Variants in CHD3 observed in about 807,000 individuals in gnomAD.
CHD3 encodes ATP-dependent chromatin remodeler CHD3.
Under a neutral mutation model 248.9 loss-of-function variants are expected in CHD3, and 52 were observed. That is an observed-to-expected ratio of 0.21 (90% confidence interval 0.17 to 0.26). The LOEUF is 0.26. CHD3 is among the 10% of genes least tolerant of loss of function. The pLI is 1.00. For missense variants in CHD3, 1,482 were observed against 2,605.8 expected, an observed-to-expected ratio of 0.57 and a Z score of 9.39; for synonymous variants, 985 against 985.2, an observed-to-expected ratio of 1.00 and a Z score of 0.00.
At chr17:7,896,255 C>A (rs1969637724) in intron 10 of CHD3, among the ~76,000 whole-genome samples, 2 of 144,882 alleles carry the variant, frequency 1.4e-5, no homozygotes, top group Admixed American at 1.4e-4. Context: ...AAAAAAAATT[C>A]TCAATGTTTC....
In CHD3 at chr17:7,911,549, G is replaced by A. The variant is rs1567880340; in HGVS notation, c.5967G>A (p.Glu1989=). 1 of 1,614,194 alleles carries A rather than the reference G, an allele frequency of 6.2e-7. No individual in the cohort carries two copies. Among genetic ancestry groups the A allele is most frequent in the Non-Finnish European group, 8.5e-7 (1 of 1,180,020 alleles). ...TGTCAGACGGGCTGGATCGGAAGGA[G>A]CCCCGAGCCGGGGAGGTGATCTGTA... ...ALVSDGLDRK[E]PRAGEVICID... is the part of the protein sequence containing the mutation. Residue 1989 remains glutamate (E), a synonymous_variant, in exon 40 of 40, where the codon GAG becomes GAA. Transcript: ENST00000330494. This position sits in a 1 kb window ranked among gnomAD's most constrained non-coding sequence, Gnocchi z 5.4.
At chr17:7,886,046 C>T (rs1967894512), upstream of CHD3, among the ~76,000 whole-genome samples, 1 of 152,148 alleles carries the variant, frequency 6.6e-6, no homozygotes, top group South Asian at 2.1e-4. The surrounding 1 kb of genome is among the most constrained non-coding windows in gnomAD (Gnocchi z 4.2). Flanking sequence ...CCCCGTCAGT[C>T]TGGGGTGGCC....
Position 7,910,997 on chromosome 17 carries a change from C to G in CHD3, c.5881+24C>G. ...AGGTCAGCTGGTGTTTTCCTACCCC[C>G]TGCTACTCACACTCCTCCTTTGCCA... On this transcript the variant is annotated intron_variant, in intron 39 of 39. Coordinates refer to ENST00000330494, the MANE Select transcript of CHD3 (RefSeq NM_001005273.3). The surrounding 1 kb of genome is among the most constrained non-coding windows in gnomAD (Gnocchi z 4.7). The G allele has an allele frequency of 6.2e-7, 1 of 1,612,070 alleles. No individual in the cohort carries two copies. Among genetic ancestry groups the G allele is most frequent in the East Asian group, 2.2e-5 (1 of 44,872 alleles).
At position 7,906,756 on chromosome 17, in the gene CHD3, C is replaced by T; in HGVS notation, c.4503+59C>T. On this transcript the variant is annotated intron_variant, in intron 29 of 39. Coordinates refer to ENST00000330494, the MANE Select transcript of CHD3 (RefSeq NM_001005273.3). This position sits in a 1 kb window ranked among gnomAD's most constrained non-coding sequence, Gnocchi z 5.0. ...TGGCTGCCTAGTCTCTGTCCTTCCTCTGCCTCTGTCCCTGAGTTGTAAGCT... is the reference window on the plus strand; with the variant it reads ...TGGCTGCCTAGTCTCTGTCCTTCCTTTGCCTCTGTCCCTGAGTTGTAAGCT... 1 of 1,583,330 alleles carries T rather than the reference C, an allele frequency of 6.3e-7. No homozygotes were observed. Among genetic ancestry groups the T allele is most frequent in the Non-Finnish European group, 8.6e-7 (1 of 1,163,446 alleles).
intron 4 of CHD3, among the ~76,000 whole-genome samples, chr17:7,891,553 T>G (rs1968859724): frequency 1.3e-5 from 2 of 152,072 alleles, no homozygotes; most frequent in Admixed American, 1.3e-4. Context: ...AAGTAGAGAA[T>G]AGTAGAGTAG....
In CHD3 at chr17:7,903,784, C is replaced by T. The variant is rs745706384; in HGVS notation, c.3728-41C>T. ...AAGCTTTCCCATCAGCCTTTCTAAA[C>T]TTTGGAACCCAAAGTTCCCGTTTGT... On this transcript the variant is annotated intron_variant, in intron 23 of 39. Coordinates refer to ENST00000330494, the MANE Select transcript of CHD3 (RefSeq NM_001005273.3). This position sits in a 1 kb window ranked among gnomAD's most constrained non-coding sequence, Gnocchi z 6.8. 1.2e-6 allele frequency: 2 copies of T among 1,606,154 alleles called. No individual in the cohort carries two copies. Among genetic ancestry groups the T allele is most frequent in the Non-Finnish European group, 1.7e-6 (2 of 1,174,060 alleles).
At chr17:7,901,465 T>C in intron 20 of CHD3, 90 bp downstream of exon 20, 6 of 1,114,816 alleles carry the variant, frequency 5.4e-6, no homozygotes, top group Non-Finnish European at 4.9e-6. Flanking sequence ...TTCCTGTGGC[T>C]GCTCTGGTGT....
rs1970118590 is a variant in CHD3 at position 7,899,944 on chromosome 17, A to G, written c.2593A>G (p.Ile865Val). ...FHVLLTSYEL[I>V]TIDQAALGSI... ...TGTTCTCCTGACATCGTATGAGCTG[A>G]TCACCATTGATCAGGCAGCACTTGG... Residue 865 changes from isoleucine (I) to valine (V), a missense_variant, in exon 16 of 40, where the codon ATC (isoleucine) becomes GTC (valine). Ile to Val is a conservative substitution (Grantham distance 29). Coordinates refer to ENST00000330494, the MANE Select transcript of CHD3 (RefSeq NM_001005273.3). The surrounding 1 kb of genome is among the most constrained non-coding windows in gnomAD (Gnocchi z 6.8). 1.9e-6 allele frequency: 3 copies of G among 1,613,970 alleles called. No individual in the cohort carries two copies. In the East Asian group the frequency reaches 6.7e-5, roughly 36 times the overall value.
Position 7,908,784 on chromosome 17 carries a change from G to C in CHD3, c.5349G>C (p.Gly1783=). 1 of 1,614,154 alleles carries C rather than the reference G, an allele frequency of 6.2e-7. No homozygotes were observed. The highest frequency in any genetic ancestry group is 1.1e-5 in the South Asian group (1 of 91,088). ...CATTTAAAACTGAAGCCAATAAGGG[G>C]AACTTTCTGGAGATGAAAAATAAGT... The part of the protein sequence containing the change: ...NEPFKTEANK[G]NFLEMKNKFL... The change falls in exon 36 of 40, where the codon GGG becomes GGC. Residue 1783 remains glycine, a synonymous_variant. Coordinates refer to ENST00000330494, the MANE Select transcript of CHD3 (RefSeq NM_001005273.3). This position sits in a 1 kb window ranked among gnomAD's most constrained non-coding sequence, Gnocchi z 5.8.
rs1970036607 is a variant in CHD3, at chr17:7,899,242, G to A, written c.2343+40G>A. On this transcript the variant is annotated intron_variant, in intron 14 of 39. Transcript: ENST00000330494. This position sits in a 1 kb window ranked among gnomAD's most constrained non-coding sequence, Gnocchi z 6.8. ...GACCTTGAAGGGGACCGCCTGGACT[G>A]GGGAAGTGGGGAGGGGGAAGATAAA... 2 of 1,603,498 alleles carry A rather than the reference G, an allele frequency of 1.2e-6. No homozygotes were observed. Among genetic ancestry groups the A allele is most frequent in the African/African-American group, 1.3e-5 (1 of 74,736 alleles).
chr17:7,895,182 T>C lies in CHD3; in HGVS notation c.1503+32T>C. The C allele has an allele frequency of 1.9e-6, 3 of 1,604,962 alleles. No homozygotes were observed. Among genetic ancestry groups the C allele is most frequent in the Non-Finnish European group, 2.6e-6 (3 of 1,174,280 alleles). The stretch of plus-strand genomic sequence containing the variant: ...GGAAACATCTCCCCTCTGTATTTAC[T>C]GTCAGGCCTGATCCCTTCCCCCATC... On this transcript the variant is annotated intron_variant, in intron 9 of 39. Transcript: ENST00000330494. The surrounding 1 kb of genome is among the most constrained non-coding windows in gnomAD (Gnocchi z 4.9).
rs376918939 is a variant in CHD3, at chr17:7,907,559, A to G, written c.4925-42A>G. On this transcript the variant is annotated intron_variant, in intron 32 of 39. Coordinates refer to ENST00000330494, the MANE Select transcript of CHD3 (RefSeq NM_001005273.3). The surrounding 1 kb of genome is among the most constrained non-coding windows in gnomAD (Gnocchi z 4.3). ...TTCCCTCTTCTGGGGTCAGGGGATG[A>G]GGGTAACATCCTCCCTTCCTATCCC... The G allele has an allele frequency of 3.3e-6, 5 of 1,522,280 alleles. No homozygotes were observed. In the African/African-American group the frequency reaches 7.0e-5, roughly 21 times the overall value. The allele number at this position is 1,522,280 out of a possible 1,614,324, so 94.3% of individuals were successfully genotyped here. A position where few individuals can be genotyped will look rare whatever the true frequency, so the allele number is the denominator to read the frequency against.
chr17:7,888,543 A>T (rs1460639100), upstream of CHD3, among the ~76,000 whole-genome samples: 3 of 151,958 alleles, frequency 2.0e-5, no homozygotes, highest in Admixed American at 2.0e-4. Context: ...GTCTTCCTTT[A>T]TGTGGGGTAA....
Position 7,888,830 on chromosome 17 carries a change from G to T in CHD3, c.-171G>T. 6.9e-7 allele frequency: 1 copy of T among 1,448,688 alleles called. No individual in the cohort carries two copies. The highest frequency in any genetic ancestry group is 9.0e-7 in the Non-Finnish European group (1 of 1,105,684). 89.7% of individuals were successfully genotyped at this position (1,448,688 alleles called of 1,614,324 possible). ...CTCCCATACTGCGTATAGATGAATG[G>T]GTCAGGATATCTGGAACAAAATATG... On this transcript the variant is annotated 5_prime_UTR_variant, in exon 1 of 40. Coordinates refer to ENST00000330494, the MANE Select transcript of CHD3 (RefSeq NM_001005273.3).
At chr17:7,898,351 A>G in intron 12 of CHD3, 145 bp from the exon 13 acceptor site, 1 of 730,852 alleles carries the variant, frequency 1.4e-6, no homozygotes, top group Non-Finnish European at 2.2e-6. Context: ...GTGAAATCCA[A>G]AGGGCAAGGG....
chr17:7,906,730 C>A lies in CHD3; in HGVS notation c.4503+33C>A. The stretch of plus-strand genomic sequence containing the variant: ...TCTTCCTGTCACCCAAAGAATCAAG[C>A]TGGCTGCCTAGTCTCTGTCCTTCCT... On this transcript the variant is annotated intron_variant, in intron 29 of 39. Coordinates refer to ENST00000330494, the MANE Select transcript of CHD3 (RefSeq NM_001005273.3). This position sits in a 1 kb window ranked among gnomAD's most constrained non-coding sequence, Gnocchi z 5.0. 1 of 1,587,138 alleles carries A rather than the reference C, an allele frequency of 6.3e-7. No homozygotes were observed. Among genetic ancestry groups the A allele is most frequent in the South Asian group, 1.2e-5 (1 of 86,692 alleles).
chr17:7,906,328 G>T lies in CHD3; in HGVS notation c.4359-225G>T, dbSNP rs1970946555. On this transcript the variant is annotated intron_variant, in intron 28 of 39. Coordinates refer to ENST00000330494, the MANE Select transcript of CHD3 (RefSeq NM_001005273.3). This position sits in a 1 kb window ranked among gnomAD's most constrained non-coding sequence, Gnocchi z 5.0. ...TGAAGAGCTGACTGATGGGGCCCAG[G>T]AATTAAGTACCAAGGCCAAAGGGAA... 1.5e-6 allele frequency: 1 copy of T among 676,236 alleles called. No individual in the cohort carries two copies. 41.9% of individuals were successfully genotyped at this position (676,236 alleles called of 1,614,324 possible).
At chr17:7,888,612 G>A (rs1410863366), upstream of CHD3, among the ~76,000 whole-genome samples, 2 of 152,232 alleles carry the variant, frequency 1.3e-5, no homozygotes, top group South Asian at 4.1e-4. Flanking sequence ...AATGGGGTGG[G>A]GGGCCTGGGG....
At position 7,893,366 on chromosome 17, in the gene CHD3, G is replaced by A; in HGVS notation, c.590G>A (p.Ser197Asn). Residue 197 changes from serine (S) to asparagine (N), a missense_variant, in exon 5 of 40, where the codon AGT (serine) becomes AAT (asparagine). Ser to Asn is a conservative substitution (Grantham distance 46). Around this residue, in one of 20 missense-constraint regions of CHD3, gnomAD observed 30 missense variants for 83.5 expected, o/e 0.36. Transcript: ENST00000330494. ...CTTGGGGCCAAATGGAGAGAGTTCA[G>A]TGCCAACAACCCCTTCAAGGGGTCA... ...TILGAKWREF[S>N]ANNPFKGSAA... 1.2e-6 allele frequency: 2 copies of A among 1,613,898 alleles called. No homozygotes were observed. The highest frequency in any genetic ancestry group is 1.7e-6 in the Non-Finnish European group (2 of 1,179,938).
Sources: gnomAD v4.1 joint callset for allele counts (sites outside exome capture counted in the v4.1 genomes callset) on GRCh38, gnomAD v4.1.1 for gene constraint, gnomAD v4.1.1 regional missense constraint, Gnocchi (gnomAD v3.1) non-coding constraint, MANE v1.5 for transcripts, NCBI Gene and HGNC (gene_info 2026-07-23, HGNC 2026-07-21) for gene names.